Variants in NEK5 observed in about 807,000 individuals in gnomAD.
NEK5 encodes the protein serine/threonine-protein kinase Nek5.
Under a neutral mutation model 109.2 loss-of-function variants are expected in NEK5, and 88 were observed. The observed-to-expected ratio is 0.81, with a 90% CI of 0.68 to 0.96. NEK5 has a LOEUF of 0.96. Among genes scored for constraint, NEK5 ranks in the 40% least tolerant of loss-of-function variants. The probability of loss-of-function intolerance (pLI) is 0.00; values close to 1 mark genes in which losing one functional copy is unlikely to be tolerated. For synonymous variants in NEK5, 283 were observed against 299.9 expected, an observed-to-expected ratio of 0.94 and a Z score of 0.58; for missense variants, 834 against 920.7, an observed-to-expected ratio of 0.91 and a Z score of 1.22.
chr13:52,086,901 G>T (rs1955154889), intron 15 of NEK5, among the ~76,000 whole-genome samples: 1 of 152,206 alleles, frequency 6.6e-6, no homozygotes, highest in Non-Finnish European at 1.5e-5. Flanking sequence ...AAATGCCAAA[G>T]ATTGCCAGTG....
In NEK5 at chr13:52,034,952, C is replaced by A. The variant is rs1954347256; in HGVS notation, c.*1996G>T. 9.6e-6 allele frequency: 1 copy of A among 104,192 alleles called. No individual in the cohort carries two copies. Among genetic ancestry groups the A allele is most frequent in the Admixed American group, 1.2e-4 (1 of 8,552 alleles). The allele number at this position is 104,192 out of a possible 1,614,324, so 6.5% of individuals were successfully genotyped here. On this transcript the variant is annotated 3_prime_UTR_variant, in exon 24 of 24. Transcript: ENST00000684899. The stretch of plus-strand genomic sequence containing the variant: ...TTTGAGGTTATTAGGGATCATGTTT[C>A]ATTTCCCTTGCTTTCAAATACAGTT...
At chr13:52,090,495 T>C (rs1273716113) in intron 13 of NEK5, among the ~76,000 whole-genome samples, 1 of 152,334 alleles carries the variant, frequency 6.6e-6, no homozygotes, top group East Asian at 1.9e-4. Context: ...ATGGTACCAT[T>C]TCACAGGAAT....
intron 3 of NEK5, among the ~76,000 whole-genome samples, chr13:52,124,164 C>T (rs1324787194): frequency 6.6e-6 from 1 of 152,086 alleles, no homozygotes; most frequent in Admixed American, 6.6e-5. Flanking sequence ...GGTGTGGTGG[C>T]GCATGCCTGC....
chr13:52,086,794 T>A (rs984698306), intron 15 of NEK5, among the ~76,000 whole-genome samples: 3 of 150,350 alleles, frequency 2.0e-5, no homozygotes, highest in Admixed American at 6.7e-5. Context: ...ATATGACTGA[T>A]GTCCTTGCAA....
At chr13:52,063,794 T>G (rs1954637410) in intron 21 of NEK5, among the ~76,000 whole-genome samples, 1 of 150,398 alleles carries the variant, frequency 6.6e-6, no homozygotes, top group Admixed American at 6.6e-5. Context: ...ACCCTCCGCC[T>G]GGCAACCGCC....
At chr13:52,124,316 C>T (rs1382544264) in intron 3 of NEK5, among the ~76,000 whole-genome samples, 1 of 152,196 alleles carries the variant, frequency 6.6e-6, no homozygotes, top group Non-Finnish European at 1.5e-5. Context: ...ACCCCACTTT[C>T]TACCTCAATA....
intron 11 of NEK5, among the ~76,000 whole-genome samples, chr13:52,101,684 A>G (rs1403132655): frequency 1.3e-5 from 2 of 152,178 alleles, no homozygotes; most frequent in Non-Finnish European, 2.9e-5. Context: ...CTCTATTAGC[A>G]TGTCCTCTGC....
chr13:52,086,704 G>C (rs1473494957), intron 15 of NEK5, among the ~76,000 whole-genome samples: 1 of 152,156 alleles, frequency 6.6e-6, no homozygotes, highest in Non-Finnish European at 1.5e-5. Flanking sequence ...CAGTGCCTTA[G>C]AATGTGACCC....
intron 22 of NEK5, among the ~76,000 whole-genome samples, chr13:52,059,624 A>AT (rs905627519): frequency 1.9e-4 from 29 of 152,322 alleles, no homozygotes; most frequent in African/African-American, 6.7e-4. Context: ...CTATGCACCC[A>AT]TAAAAAATGA....
At chr13:52,069,851 G>T (rs999447195) in intron 20 of NEK5, among the ~76,000 whole-genome samples, 1 of 152,136 alleles carries the variant, frequency 6.6e-6, no homozygotes, top group African/African-American at 2.4e-5. Context: ...GGCATGTGAA[G>T]CCCTGGAGGA....
intron 22 of NEK5, among the ~76,000 whole-genome samples, chr13:52,053,166 T>C (rs565384882): frequency 8.1e-4 from 123 of 152,174 alleles, no homozygotes; most frequent in Non-Finnish European, 1.2e-3. Context: ...CTGGGCATAG[T>C]GGCATGCGCC....
intron 20 of NEK5, among the ~76,000 whole-genome samples, chr13:52,068,653 G>A (rs936270752): frequency 6.6e-6 from 1 of 152,214 alleles, no homozygotes; most frequent in Non-Finnish European, 1.5e-5. Context: ...TGAAGGGCAT[G>A]AGTACATAAT....
intron 13 of NEK5, among the ~76,000 whole-genome samples, chr13:52,091,155 G>A (rs893105394): frequency 1.3e-5 from 2 of 152,210 alleles, no homozygotes; most frequent in Non-Finnish European, 2.9e-5. Flanking sequence ...CCAGGAAAGA[G>A]AAGGACCCTT....
chr13:52,042,257 T>C (rs1954421026), intron 23 of NEK5, among the ~76,000 whole-genome samples: 1 of 150,434 alleles, frequency 6.6e-6, no homozygotes, highest in African/African-American at 2.4e-5. Context: ...AGAATATACA[T>C]CAACAAGAAA....
At chr13:52,049,999 T>C in intron 23 of NEK5, 105 bp downstream of exon 23, 1 of 224,564 alleles carries the variant, frequency 4.5e-6, no homozygotes, top group Non-Finnish European at 7.5e-6. Context: ...TTGTAAAACT[T>C]GATCTTTGTA....
At chr13:52,041,781 AT>A (rs1954417037) in intron 23 of NEK5, among the ~76,000 whole-genome samples, 2 of 151,602 alleles carry the variant, frequency 1.3e-5, no homozygotes, top group East Asian at 3.9e-4. Flanking sequence ...AAAGAAGAGA[AT>A]AAAAAATATG....
At chr13:52,086,574 A>AC in intron 15 of NEK5, among the ~76,000 whole-genome samples, 1 of 152,220 alleles carries the variant, frequency 6.6e-6, no homozygotes, top group Non-Finnish European at 1.5e-5. Context: ...TCAATTTTAT[A>AC]TATAACCCAA....
chr13:52,073,435 C>T (rs533511784), intron 19 of NEK5, among the ~76,000 whole-genome samples: 49 of 151,902 alleles, frequency 3.2e-4, no homozygotes, highest in African/African-American at 9.7e-4. Context: ...CCTGCCTCAG[C>T]CTCCTAAGTA....
intron 17 of NEK5, among the ~76,000 whole-genome samples, chr13:52,076,956 A>AT (rs1357682184): frequency 6.6e-6 from 1 of 152,258 alleles, no homozygotes; most frequent in Non-Finnish European, 1.5e-5. Context: ...AACGAATGAC[A>AT]TAATTTCAGA....
Sources: gnomAD v4.1 joint callset for allele counts (sites outside exome capture counted in the v4.1 genomes callset) on GRCh38, gnomAD v4.1.1 for gene constraint, MANE v1.5 for transcripts, NCBI Gene and HGNC (gene_info 2026-07-23, HGNC 2026-07-21) for gene names.